Variants in PRKN observed in about 807,000 individuals in gnomAD.
PRKN encodes E3 ubiquitin-protein ligase parkin.
A neutral mutation model predicts 59.5 loss-of-function variants in PRKN; 56 were observed. That is an observed-to-expected ratio of 0.94 (90% CI 0.76 to 1.18). The LOEUF (loss-of-function observed/expected upper bound fraction) is 1.18. Among genes scored for constraint, PRKN ranks in the 50% most tolerant of loss-of-function variants. The pLI is 0.00. For missense variants in PRKN, 657 were observed against 596.4 expected, an observed-to-expected ratio of 1.10 and a Z score of -1.06; for synonymous variants, 250 against 222.1, an observed-to-expected ratio of 1.13 and a Z score of -1.12.
chr6:162,568,615 T>A lies in PRKN; in HGVS notation c.8-125142A>T. 2.4e-5 allele frequency: 21 copies of A among 892,706 alleles called. 2 individuals are homozygous for A. The South Asian group carries it at 2.7e-4, about 12-fold the overall frequency. 55.3% of individuals were successfully genotyped at this position (892,706 alleles called of 1,614,324 possible). ...CAGATCAGGACCCTCAACAACAAGT[T>A]TGCCTCCTTCATAGGCAAGGTACGG... On this transcript the variant is annotated intron_variant, in intron 1 of 11. Transcript: ENST00000366898.
intron 6 of PRKN, among the ~76,000 whole-genome samples, chr6:161,881,119 C>T (rs977790392): frequency 6.6e-6 from 1 of 152,194 alleles, no homozygotes; most frequent in Non-Finnish European, 1.5e-5. Flanking sequence ...CAGCCCTCTA[C>T]CCCATACTCA....
At chr6:161,906,380 T>C (rs928729414) in intron 6 of PRKN, among the ~76,000 whole-genome samples, 3 of 152,118 alleles carry the variant, frequency 2.0e-5, no homozygotes, top group Admixed American at 2.0e-4. Context: ...TTGCTGACAT[T>C]TGCCCAGCTT....
At chr6:162,028,668 C>T (rs1416160698) in intron 5 of PRKN, among the ~76,000 whole-genome samples, 2 of 152,174 alleles carry the variant, frequency 1.3e-5, no homozygotes, top group African/African-American at 2.4e-5. Context: ...GAGGGAAGGA[C>T]GCTGTCCAAA....
intron 4 of PRKN, among the ~76,000 whole-genome samples, chr6:162,140,885 T>C (rs1415893882): frequency 6.6e-6 from 1 of 152,160 alleles, no homozygotes; most frequent in Non-Finnish European, 1.5e-5. Context: ...TCCCAGCTCT[T>C]TGGGAGGCCG....
At chr6:162,281,416 T>G (rs1016192737) in intron 2 of PRKN, among the ~76,000 whole-genome samples, 1 of 149,044 alleles carries the variant, frequency 6.7e-6, no homozygotes, top group African/African-American at 2.5e-5. Context: ...AAAGTAAAAT[T>G]AAAAAAAAAA....
At chr6:161,803,492 C>T (rs1035437910) in intron 6 of PRKN, among the ~76,000 whole-genome samples, 1 of 152,168 alleles carries the variant, frequency 6.6e-6, no homozygotes, top group Non-Finnish European at 1.5e-5. Flanking sequence ...AAGAACTGTC[C>T]TTGGGTAGCC....
chr6:162,063,702 A>C (rs1054184103), intron 4 of PRKN, among the ~76,000 whole-genome samples: 2 of 151,864 alleles, frequency 1.3e-5, no homozygotes, highest in African/African-American at 4.8e-5. Context: ...TTGCCACCAC[A>C]CCCGGCTAAT....
intron 6 of PRKN, among the ~76,000 whole-genome samples, chr6:161,856,228 C>T (rs537264102): frequency 7.2e-5 from 11 of 152,130 alleles, no homozygotes; most frequent in East Asian, 3.9e-4. Flanking sequence ...GGCATGAGGG[C>T]GGGCACCTGT....
chr6:161,766,314 A>ATTTTTTTTTTTTTT (rs758294050), intron 7 of PRKN, among the ~76,000 whole-genome samples: 1 of 139,642 alleles, frequency 7.2e-6, no homozygotes, highest in African/African-American at 2.7e-5. Context: ...CATTGACCAC[A>ATTTTTTTTTTTTTT]TTTTTTTTTT....
At chr6:161,979,038 C>A (rs1477591017) in intron 5 of PRKN, among the ~76,000 whole-genome samples, 1 of 152,118 alleles carries the variant, frequency 6.6e-6, no homozygotes, top group Non-Finnish European at 1.5e-5. Context: ...GATTCCCCCA[C>A]CTAACCAGGA....
In PRKN at chr6:161,502,016, T is replaced by C. The variant is rs1224256649; in HGVS notation, c.1083+46838A>G. Among the ~76,000 whole-genome samples, 4 of 152,212 alleles carry C rather than the reference T, an allele frequency of 2.6e-5. No individual in the cohort carries two copies. The highest frequency in any genetic ancestry group is 5.9e-5 in the Non-Finnish European group (4 of 68,034). On this transcript the variant is annotated intron_variant, in intron 9 of 11. Coordinates refer to ENST00000366898, the MANE Select transcript of PRKN (RefSeq NM_004562.3). The surrounding 1 kb of genome is among the most constrained non-coding windows in gnomAD (Gnocchi z 4.0). ...CATGAGAGAGAAAGTCTGCATGTCTTAGTTATCAGCCATGTGAGAAGGAAT... is the reference window on the plus strand; with the variant it reads ...CATGAGAGAGAAAGTCTGCATGTCTCAGTTATCAGCCATGTGAGAAGGAAT...
At chr6:162,103,330 A>G (rs1780056633) in intron 4 of PRKN, among the ~76,000 whole-genome samples, 1 of 152,192 alleles carries the variant, frequency 6.6e-6, no homozygotes, top group Non-Finnish European at 1.5e-5. Flanking sequence ...TCCAAATAAT[A>G]TCCCATCATC....
Position 161,439,392 on chromosome 6 carries a change from G to T in PRKN, c.1084-52515C>A, listed in dbSNP as rs12111173. On this transcript the variant is annotated intron_variant, in intron 9 of 11. Coordinates refer to ENST00000366898, the MANE Select transcript of PRKN (RefSeq NM_004562.3). ...GAAAAGTGCTTTGGAATCACAAAAT[G>T]AAAAAACAAGTGTCAGCTGTGGGAG... is the stretch of plus-strand genomic sequence containing the variant. Among the ~76,000 whole-genome samples, 1,394 of 152,226 alleles carry T rather than the reference G, an allele frequency of 9.2e-3. 15 individuals carry two copies. Among genetic ancestry groups the T allele is most frequent in the East Asian group, 0.056 (291 of 5,178 alleles).
chr6:162,122,362 G>T lies in PRKN; in HGVS notation c.535-68188C>A, dbSNP rs764532816. On this transcript the variant is annotated intron_variant, in intron 4 of 11. Coordinates refer to ENST00000366898, the MANE Select transcript of PRKN (RefSeq NM_004562.3). Reference sequence around the variant, plus strand: ...CCCAGAAGGGGCCTCTTAGGAGTGGGTTGATTACTTTGGACCCTTACATTA... The same window carrying T: ...CCCAGAAGGGGCCTCTTAGGAGTGGTTTGATTACTTTGGACCCTTACATTA... Among the ~76,000 whole-genome samples the T allele has an allele frequency of 5.3e-5, 8 of 152,308 alleles. 1 individual carries two copies. The South Asian group carries it at 1.0e-3, about 20-fold the overall frequency.
At chr6:161,985,671 T>C (rs1781408220) in intron 5 of PRKN, among the ~76,000 whole-genome samples, 1 of 152,218 alleles carries the variant, frequency 6.6e-6, no homozygotes, top group South Asian at 2.1e-4. Context: ...GTAGACGAGC[T>C]ATGTAATCAT....
At chr6:162,423,793 C>G (rs1789094176) in intron 2 of PRKN, among the ~76,000 whole-genome samples, 1 of 152,090 alleles carries the variant, frequency 6.6e-6, no homozygotes, top group South Asian at 2.1e-4. Flanking sequence ...AATGTCTATT[C>G]ATTTATTCAA....
At chr6:162,214,466 T>C (rs1252013884) in intron 3 of PRKN, among the ~76,000 whole-genome samples, 1 of 152,174 alleles carries the variant, frequency 6.6e-6, no homozygotes, top group East Asian at 1.9e-4. Flanking sequence ...TTCCTGAAAC[T>C]AAGGAATTCA....
At chr6:161,585,603 A>C (rs945577081) in intron 7 of PRKN, among the ~76,000 whole-genome samples, 1 of 152,240 alleles carries the variant, frequency 6.6e-6, no homozygotes, top group Non-Finnish European at 1.5e-5. Flanking sequence ...TTGTAGCTCA[A>C]ACCGAATAAG....
At chr6:161,722,385 C>A (rs1454222124) in intron 7 of PRKN, among the ~76,000 whole-genome samples, 1 of 152,252 alleles carries the variant, frequency 6.6e-6, no homozygotes, top group East Asian at 1.9e-4. Context: ...GTTTTGGTAG[C>A]ACAGAGTTCT....
Sources: gnomAD v4.1 joint callset for allele counts (sites outside exome capture counted in the v4.1 genomes callset) on GRCh38, gnomAD v4.1.1 for gene constraint, Gnocchi (gnomAD v3.1) non-coding constraint, MANE v1.5 for transcripts, NCBI Gene and HGNC (gene_info 2026-07-23, HGNC 2026-07-21) for gene names.